CYFIP2: variants seen among roughly 807,000 people sequenced by gnomAD.
CYFIP2 encodes cytoplasmic FMR1-interacting protein 2.
A neutral mutation model predicts 158.7 loss-of-function variants in CYFIP2; 29 were observed. The ratio of observed to expected loss-of-function variants is 0.18; its 90% CI spans 0.14 to 0.25. The LOEUF is 0.25. Among genes scored for constraint, CYFIP2 ranks in the 10% least tolerant of loss-of-function variants. CYFIP2 has a pLI of 1.00. For missense variants in CYFIP2, 852 were observed against 1,639.5 expected (o/e 0.52, Z 8.29); for synonymous variants, 585 against 617.6 (o/e 0.95, Z 0.78).
At chr5:157,307,700 G>C in intron 8 of CYFIP2, 61 bp from the exon 9 acceptor site, 1 of 967,408 alleles carries the variant, frequency 1.0e-6, no homozygotes, top group Non-Finnish European at 1.6e-6. Flanking sequence ...CTACCTTTTT[G>C]TTTTTAAACT....
At chr5:157,307,693 C>A in intron 8 of CYFIP2, 68 bp from the exon 9 acceptor site, 1 of 807,088 alleles carries the variant, frequency 1.2e-6, no homozygotes. Context: ...TACAGACCTA[C>A]CTTTTTGTTT....
chr5:157,379,482 T>TCCAACAAAAAAAAACTC (rs1765822421), intron 26 of CYFIP2, among the ~76,000 whole-genome samples: 1 of 146,968 alleles, frequency 6.8e-6, no homozygotes, highest in Non-Finnish European at 1.5e-5. Flanking sequence ...AAAAAAAACT[T>TCCAACAAAAAAAAACTC]CCAACAAAAA....
At chr5:157,321,084 G>A (rs1760556980) in intron 15 of CYFIP2, among the ~76,000 whole-genome samples, 1 of 152,218 alleles carries the variant, frequency 6.6e-6, no homozygotes, top group South Asian at 2.1e-4. Context: ...GGCTAATGGG[G>A]ATAATACCAC....
chr5:157,376,750 T>C (rs1028869670), intron 26 of CYFIP2: 1 of 326,740 alleles, frequency 3.1e-6, no homozygotes, highest in South Asian at 2.2e-5. Flanking sequence ...CACCCACTTA[T>C]GCAAACCTTG....
chr5:157,322,557 G>A (rs1000010991), intron 15 of CYFIP2, among the ~76,000 whole-genome samples: 2 of 152,202 alleles, frequency 1.3e-5, no homozygotes, highest in South Asian at 2.1e-4. Flanking sequence ...AGTGCTTCTC[G>A]GCTCCTAGGG....
chr5:157,317,132 G>A (rs1186689744), intron 13 of CYFIP2, among the ~76,000 whole-genome samples: 4 of 151,846 alleles, frequency 2.6e-5, no homozygotes, highest in Non-Finnish European at 4.4e-5. Context: ...AGATGCTCCC[G>A]CAACCCACTT....
rs965312795 is a variant in CYFIP2 at position 157,325,898 on chromosome 5, G to T, written c.1982+260G>T. The T allele has an allele frequency of 5.6e-6, 3 of 538,614 alleles. No individual in the cohort carries two copies. The African/African-American group carries it at 5.7e-5, about 10-fold the overall frequency. 33.4% of individuals were successfully genotyped at this position (538,614 alleles called of 1,614,324 possible). ...TGCTCAGAAAAGAATCATCTCAGGA[G>T]CAGGTAGCTTGTATTCTTAACTGCT... On this transcript the variant is annotated intron_variant, in intron 17 of 30. Coordinates refer to ENST00000620254, the MANE Select transcript of CYFIP2 (RefSeq NM_001037333.3).
chr5:157,366,898 T>C (rs944231637), intron 26 of CYFIP2, among the ~76,000 whole-genome samples: 1 of 152,218 alleles, frequency 6.6e-6, no homozygotes, highest in South Asian at 2.1e-4. Flanking sequence ...TTGTTTGTTA[T>C]GCCAGCATAC....
At chr5:157,290,116 G>A (rs1420542267) in intron 3 of CYFIP2, among the ~76,000 whole-genome samples, 10 of 152,312 alleles carry the variant, frequency 6.6e-5, no homozygotes, top group Middle Eastern at 3.4e-3. Context: ...CAGAGCAGTC[G>A]GAAGGAGGGG....
intron 26 of CYFIP2, chr5:157,363,570 C>T (rs1764049342): frequency 6.6e-6 from 1 of 152,540 alleles, no homozygotes; most frequent in African/African-American, 2.4e-5. Flanking sequence ...ATAGGGAGGA[C>T]CTCATAGTGA....
At chr5:157,342,924 C>T in intron 23 of CYFIP2, 1 of 1,614,198 alleles carries the variant, frequency 6.2e-7, no homozygotes, top group African/African-American at 1.3e-5. Flanking sequence ...AAGGCACCCG[C>T]ATCAGGGGCA....
intron 1 of CYFIP2, among the ~76,000 whole-genome samples, chr5:157,270,864 A>G (rs1756035035): frequency 6.6e-6 from 1 of 152,232 alleles, no homozygotes; most frequent in Non-Finnish European, 1.5e-5. Context: ...TCAACAAATC[A>G]TTCATGAAGT....
At chr5:157,330,633 A>C in intron 19 of CYFIP2, 109 bp from the exon 20 acceptor site, 1 of 792,122 alleles carries the variant, frequency 1.3e-6, no homozygotes, top group Non-Finnish European at 2.0e-6. Flanking sequence ...TAAGTTATAT[A>C]AGATAGTGCT....
At chr5:157,292,734 A>C (rs541901096) in intron 3 of CYFIP2, among the ~76,000 whole-genome samples, 11 of 152,176 alleles carry the variant, frequency 7.2e-5, no homozygotes, top group Non-Finnish European at 1.5e-4. Context: ...GTGTGGACAT[A>C]TGTTTTCAGT....
rs533859947 is a variant in CYFIP2 at position 157,318,106 on chromosome 5, A to C, written c.1357-1656A>C. On this transcript the variant is annotated intron_variant, in intron 13 of 30. Coordinates refer to ENST00000620254, the MANE Select transcript of CYFIP2 (RefSeq NM_001037333.3). ...TTATGGAATTGTGAGAATTCATTCC[A>C]TATTTTAGATCACAAGTCTTCAGTC... 1.1e-3 allele frequency among the ~76,000 whole-genome samples: 160 copies of C among 152,312 alleles called. 1 individual carries two copies. Among genetic ancestry groups the C allele is most frequent in the African/African-American group, 3.7e-3 (155 of 41,564 alleles).
intron 2 of CYFIP2, among the ~76,000 whole-genome samples, 188 bp from the exon 3 acceptor site, chr5:157,286,831 C>A (rs549493947): frequency 1.3e-5 from 2 of 152,290 alleles, no homozygotes; most frequent in South Asian, 4.1e-4. Flanking sequence ...ACCCTGTCAT[C>A]ACCAGCTCCT....
At chr5:157,288,174 A>G (rs1456640212) in intron 3 of CYFIP2, among the ~76,000 whole-genome samples, 2 of 152,080 alleles carry the variant, frequency 1.3e-5, no homozygotes, top group Non-Finnish European at 2.9e-5. Context: ...ATCTGGTGAG[A>G]GCCTTCTTAC....
chr5:157,309,448 C>CA (rs1439292925), intron 9 of CYFIP2, among the ~76,000 whole-genome samples: 3 of 152,244 alleles, frequency 2.0e-5, no homozygotes, highest in Non-Finnish European at 4.4e-5. Context: ...GGCAGCCATC[C>CA]ATCCAGTCCT....
At position 157,384,665 on chromosome 5, in the gene CYFIP2, C is replaced by T. The variant is rs112263751; in HGVS notation, c.3207+1306C>T. The T allele has an allele frequency of 2.9e-5, 11 of 377,732 alleles. No homozygotes were observed. The East Asian group carries it at 2.9e-4, about 10-fold the overall frequency. 23.4% of individuals were successfully genotyped at this position (377,732 alleles called of 1,614,324 possible). A position where few individuals can be genotyped will look rare whatever the true frequency, so the allele number is the denominator to read the frequency against. ...ATTAAAAGCTAATCATGGGGCCGGG[C>T]GCGGTGGCTCACACCTGTAATCCCA... On this transcript the variant is annotated intron_variant, in intron 28 of 30. Coordinates refer to ENST00000620254, the MANE Select transcript of CYFIP2 (RefSeq NM_001037333.3).
Sources: allele counts gnomAD v4.1 joint callset (sites outside exome capture counted in the v4.1 genomes callset), GRCh38; gene constraint gnomAD v4.1.1; transcripts MANE v1.5; gene names NCBI Gene and HGNC (gene_info 2026-07-23, HGNC 2026-07-21).